The following KEL variants were observed in gnomAD, a reference collection of about 807,000 sequenced individuals.
The protein encoded by KEL is Kell metallo-endopeptidase (Kell blood group).
In KEL, 96 loss-of-function variants were observed where a neutral mutation model predicts 99.5. That is an observed-to-expected ratio of 0.97 (90% CI 0.82 to 1.14). The LOEUF is 1.14. Ranked by LOEUF, KEL falls within the 50% of genes most tolerant of loss-of-function variation. The pLI is 0.00. For synonymous variants in KEL, 355 were observed against 354.8 expected (o/e 1.00, Z -0.01); for missense variants, 926 against 924.2 (o/e 1.00, Z -0.03).
At chr7:142,942,723 G>C in intron 17 of KEL, 152 bp downstream of exon 17, 1 of 1,015,894 alleles carries the variant, frequency 9.8e-7, no homozygotes, top group South Asian at 1.3e-5. Flanking sequence ...GGGGTAGGAG[G>C]GGGATCCCCA....
At chr7:142,957,522 G>A (rs961068105) in intron 6 of KEL, among the ~76,000 whole-genome samples, 2 of 152,162 alleles carry the variant, frequency 1.3e-5, no homozygotes, top group Non-Finnish European at 2.9e-5. Context: ...AAAATAAAGA[G>A]TAAATAAAAT....
chr7:142,958,551 T>A, intron 4 of KEL, 123 bp from the exon 5 acceptor site: 1 of 871,048 alleles, frequency 1.1e-6, no homozygotes, highest in Non-Finnish European at 1.9e-6. Context: ...TGGGTTTTAT[T>A]TAACCCATGT....
intron 9 of KEL, 141 bp downstream of exon 9, chr7:142,953,667 C>T (rs776549216): frequency 2.9e-5 from 29 of 1,004,374 alleles, no homozygotes; most frequent in East Asian, 2.1e-4. Flanking sequence ...CTTCTCTGCC[C>T]GCACAGGTGG....
intron 18 of KEL, chr7:142,942,061 G>A (rs954564992): frequency 3.8e-6 from 1 of 265,178 alleles, no homozygotes; most frequent in Non-Finnish European, 7.2e-6. Flanking sequence ...CGCCCACCTC[G>A]GCCTCCTAGA....
intron 6 of KEL, among the ~76,000 whole-genome samples, chr7:142,957,171 G>A (rs1422767953): frequency 6.6e-6 from 1 of 152,196 alleles, no homozygotes; most frequent in Non-Finnish European, 1.5e-5. Flanking sequence ...AGACTTCCTG[G>A]AAGAGATAAT....
At chr7:142,947,704 C>T (rs1415451716) in intron 10 of KEL, among the ~76,000 whole-genome samples, 1 of 152,148 alleles carries the variant, frequency 6.6e-6, no homozygotes, top group African/African-American at 2.4e-5. Context: ...GTGGCTACCA[C>T]CAGAGATGAA....
chr7:142,952,701 C>T (rs1249955075), intron 9 of KEL, 63 bp from the exon 10 acceptor site: 6 of 1,595,444 alleles, frequency 3.8e-6, no homozygotes, highest in African/African-American at 1.3e-5. Flanking sequence ...CAAGAAGAGC[C>T]TCTCCTTGTG....
chr7:142,946,364 C>A, intron 10 of KEL, 47 bp from the exon 11 acceptor site: 1 of 1,397,994 alleles, frequency 7.2e-7, no homozygotes, highest in South Asian at 1.2e-5. Context: ...AGGACTCTTT[C>A]CTCATCTGTC....
At chr7:142,955,172 T>A (rs1190267280) in intron 6 of KEL, among the ~76,000 whole-genome samples, 1 of 152,156 alleles carries the variant, frequency 6.6e-6, no homozygotes, top group Non-Finnish European at 1.5e-5. Context: ...ATAAACTCTT[T>A]TTTAAAAAAA....
Position 142,962,257 on chromosome 7 carries a change from T to C in KEL, c.-51A>G, listed in dbSNP as rs1226210559. ...TCCTTCCTGGTTCCACTCTAGGAGC[T>C]GATTCGGAGGACTGGGGTCCAGGAA... is the stretch of plus-strand genomic sequence containing the variant. On this transcript the variant is annotated 5_prime_UTR_variant, in exon 1 of 19. Coordinates refer to ENST00000355265, the MANE Select transcript of KEL (RefSeq NM_000420.3). 6.2e-7 allele frequency: 1 copy of C among 1,611,634 alleles called. No homozygotes were observed. Among genetic ancestry groups the C allele is most frequent in the Non-Finnish European group, 8.5e-7 (1 of 1,177,662 alleles).
At chr7:142,945,910 G>A (rs1007004970) in intron 11 of KEL, among the ~76,000 whole-genome samples, 4 of 152,192 alleles carry the variant, frequency 2.6e-5, no homozygotes, top group Non-Finnish European at 5.9e-5. Context: ...TTACAGGTGT[G>A]AGCCACCGAG....
At chr7:142,947,786 G>A (rs550207827) in intron 10 of KEL, among the ~76,000 whole-genome samples, 89 of 152,314 alleles carry the variant, frequency 5.8e-4, no homozygotes, top group South Asian at 1.9e-3. Context: ...GCCTCCCAAA[G>A]TGCTGGGATT....
chr7:142,952,391 T>C, intron 10 of KEL, 118 bp downstream of exon 10: 1 of 1,323,448 alleles, frequency 7.6e-7, no homozygotes, highest in Non-Finnish European at 1.1e-6. Flanking sequence ...AGCCAAGACA[T>C]GGAGGGGCAT....
intron 4 of KEL, among the ~76,000 whole-genome samples, chr7:142,959,058 C>T (rs1422537970): frequency 6.6e-6 from 1 of 151,908 alleles, no homozygotes; most frequent in Non-Finnish European, 1.5e-5. Flanking sequence ...ATGTATAAAA[C>T]CAAGCTGTGC....
At position 142,958,339 on chromosome 7, in the gene KEL, C is replaced by G. The variant is rs1407954489; in HGVS notation, c.490G>C (p.Ala164Pro). The change falls in exon 5 of 19, where the codon GCA becomes CCA. Residue 164 changes from alanine to proline, a missense_variant. Coordinates refer to ENST00000355265, the MANE Select transcript of KEL (RefSeq NM_000420.3). Reference protein sequence around the residue: ...SCMDTLAIEAAGTGPLRQVIE... With the variant: ...SCMDTLAIEAPGTGPLRQVIE... ...ACTTGTCTGAGGGGACCAGTCCCTG[C>G]AGCTTCAATGGCAAGTGTATCCATG... 10 of 1,614,134 alleles carry G rather than the reference C, an allele frequency of 6.2e-6. No individual in the cohort carries two copies. The highest frequency in any genetic ancestry group is 8.5e-6 in the Non-Finnish European group (10 of 1,179,988).
chr7:142,944,710 G>T lies in KEL; in HGVS notation c.1346C>A (p.Ala449Asp), dbSNP rs1003983062. 6.8e-6 allele frequency: 11 copies of T among 1,614,112 alleles called. No individual in the cohort carries two copies. The highest frequency in any genetic ancestry group is 9.3e-6 in the Non-Finnish European group (11 of 1,179,956). Residue 449 changes from alanine to aspartate, a missense_variant, in exon 12 of 19, where the codon GCC becomes GAC. Coordinates refer to ENST00000355265, the MANE Select transcript of KEL (RefSeq NM_000420.3). ...AMKLFTAIRDALITRLRNLPW... is the reference protein window; with the variant it reads ...AMKLFTAIRDDLITRLRNLPW... ...AAGGTTTCTGAGGCGAGTGATGAGGGCATCCCGGATCGCAGTGAATAATTT... is the reference window on the plus strand; with the variant it reads ...AAGGTTTCTGAGGCGAGTGATGAGGTCATCCCGGATCGCAGTGAATAATTT...
rs552539858 is a variant in KEL, at chr7:142,941,378, G to C, written c.2073C>G (p.His691Gln). 122 of 1,609,410 alleles carry C rather than the reference G, an allele frequency of 7.6e-5. No homozygotes were observed. The highest frequency in any genetic ancestry group is 9.3e-5 in the Non-Finnish European group (109 of 1,176,534). The change falls in exon 19 of 19, where the codon CAC (histidine) becomes CAG (glutamine). Residue 691 changes from histidine to glutamine, a missense_variant. Physicochemically the swap from His to Gln is conservative, Grantham distance 24 (BLOSUM62 0). Transcript: ENST00000355265. Reference protein sequence around the residue: ...MCRKPSPQDSHDTHSPPHLRV... With the variant: ...MCRKPSPQDSQDTHSPPHLRV... ...GGAGGTGTGGAGGGCTGTGAGTGTC[G>C]TGAGAGTCCTGGGGGCTGGGCTTCC...
At position 142,942,867 on chromosome 7, in the gene KEL, T is replaced by C. The variant is rs375875934; in HGVS notation, c.1941+8A>G. 246 of 1,614,030 alleles carry C rather than the reference T, an allele frequency of 1.5e-4. No homozygotes were observed. Among genetic ancestry groups the C allele is most frequent in the Non-Finnish European group, 2.1e-4 (242 of 1,180,032 alleles). The stretch of plus-strand genomic sequence containing the variant: ...ACACATAAACTGTGGCCCTTGACAC[T>C]TGCATACCTGCAGCGCGATGGCTAG... On this transcript the variant is annotated splice_region_variant and intron_variant, in intron 17 of 18. Coordinates refer to ENST00000355265, the MANE Select transcript of KEL (RefSeq NM_000420.3).
Position 142,961,518 on chromosome 7 carries a change from G to A in KEL, c.82-17C>T. On this transcript the variant is annotated splice_polypyrimidine_tract_variant and intron_variant, in intron 2 of 18. Coordinates refer to ENST00000355265, the MANE Select transcript of KEL (RefSeq NM_000420.3). The stretch of plus-strand genomic sequence containing the variant: ...TGGAGTGCTCTGTGGGAGGAACCAA[G>A]AGGTGAAAGATACAAGATGGGGGTT... 1 of 1,581,350 alleles carries A rather than the reference G, an allele frequency of 6.3e-7. No individual in the cohort carries two copies.
Sources: allele counts gnomAD v4.1 joint callset (sites outside exome capture counted in the v4.1 genomes callset), GRCh38; gene constraint gnomAD v4.1.1; transcripts MANE v1.5; gene names NCBI Gene and HGNC (gene_info 2026-07-23, HGNC 2026-07-21).